ZNF616: variants seen among roughly 807,000 people sequenced by gnomAD.
ZNF616 encodes the protein zinc finger protein 616.
In ZNF616, 5 loss-of-function variants were observed where a neutral mutation model predicts 7.6. The observed-to-expected ratio is 0.66, with a 90% CI of 0.34 to 1.38. The LOEUF is 1.38. Among genes scored for constraint, ZNF616 ranks in the 40% most tolerant of loss-of-function variants. The probability of loss-of-function intolerance (pLI) is 0.04; values close to 1 mark genes in which losing one functional copy is unlikely to be tolerated. For missense variants in ZNF616, 913 were observed against 948.3 expected (o/e 0.96, Z 0.49); for synonymous variants, 319 against 317.2 (o/e 1.01, Z -0.06).
At chr19:52,124,703 G>A (rs2088891734) in intron 2 of ZNF616, among the ~76,000 whole-genome samples, 1 of 152,184 alleles carries the variant, frequency 6.6e-6, no homozygotes, top group African/African-American at 2.4e-5. Flanking sequence ...GAATATCCTA[G>A]TCTGTCTGTG....
In ZNF616 at chr19:52,116,507, G is replaced by C; in HGVS notation, c.657C>G (p.Gly219=). ...GTAGTGAGGCCCGATGAAAGGCTTT[G>C]CCACACTCATTGCATTTGTAAGGTT... is the stretch of plus-strand genomic sequence containing the variant. The part of the protein sequence containing the change: ...TEKPYKCNEC[G]KAFHRASLLT... The change falls in exon 4 of 4, where the codon GGC becomes GGG. Residue 219 remains glycine (G), a synonymous_variant. Coordinates refer to ENST00000600228, the MANE Select transcript of ZNF616 (RefSeq NM_178523.5). 1 of 1,614,066 alleles carries C rather than the reference G, an allele frequency of 6.2e-7. No individual in the cohort carries two copies. The highest frequency in any genetic ancestry group is 8.5e-7 in the Non-Finnish European group (1 of 1,180,000).
intron 2 of ZNF616, 151 bp downstream of exon 2, chr19:52,130,350 G>A: frequency 1.1e-6 from 1 of 882,562 alleles, no homozygotes; most frequent in Non-Finnish European, 1.9e-6. Flanking sequence ...AGGAACTGAG[G>A]AAAAGCATGG....
At chr19:52,134,263 T>C (rs751657566) in intron 1 of ZNF616, among the ~76,000 whole-genome samples, 2 of 152,232 alleles carry the variant, frequency 1.3e-5, no homozygotes, top group Admixed American at 6.5e-5. Context: ...TATCACGACA[T>C]CGTAACAAGG....
In ZNF616 at chr19:52,116,816, T is replaced by C. The variant is rs770237493; in HGVS notation, c.348A>G (p.Glu116=). The change falls in exon 4 of 4, where the codon GAA becomes GAG. Residue 116 remains glutamate, a synonymous_variant. Coordinates refer to ENST00000600228, the MANE Select transcript of ZNF616 (RefSeq NM_178523.5). ...TNDKEVPVPH[E]NNLTGKRDQH... ...GATCTCTTTTACCAGTAAGATTGTT[T>C]TCATGGGGCACTGGCACTTCTTTAT... 4.5e-5 allele frequency: 73 copies of C among 1,613,826 alleles called. No individual in the cohort carries two copies. Among genetic ancestry groups the C allele is most frequent in the Non-Finnish European group, 5.5e-5 (65 of 1,179,894 alleles).
chr19:52,120,988 C>T (rs922430201), intron 3 of ZNF616, among the ~76,000 whole-genome samples: 2 of 152,146 alleles, frequency 1.3e-5, no homozygotes, highest in South Asian at 2.1e-4. Flanking sequence ...AAAAACAGCA[C>T]GAAAGAATTT....
chr19:52,135,255 T>C (rs2088997632), intron 1 of ZNF616, among the ~76,000 whole-genome samples: 1 of 151,990 alleles, frequency 6.6e-6, no homozygotes, highest in South Asian at 2.1e-4. Flanking sequence ...CAACAACTCA[T>C]AAACTCCTGC....
chr19:52,118,754 A>G (rs1409044514), intron 3 of ZNF616, among the ~76,000 whole-genome samples: 2 of 152,228 alleles, frequency 1.3e-5, no homozygotes, highest in African/African-American at 4.8e-5. Flanking sequence ...TTTATTTAAC[A>G]AAGAAATCTG....
chr19:52,123,447 C>G (rs1261722278), intron 3 of ZNF616, among the ~76,000 whole-genome samples: 1 of 151,930 alleles, frequency 6.6e-6, no homozygotes, highest in Non-Finnish European at 1.5e-5. Flanking sequence ...CCCATGAGTT[C>G]AAGAGCAGCC....
intron 1 of ZNF616, among the ~76,000 whole-genome samples, chr19:52,134,932 G>A (rs1202790883): frequency 1.3e-5 from 2 of 152,122 alleles, no homozygotes; most frequent in Non-Finnish European, 2.9e-5. Context: ...TGGGGGGAAA[G>A]TAATCACCAC....
At chr19:52,126,052 C>CCGTT in intron 2 of ZNF616, among the ~76,000 whole-genome samples, 1 of 152,154 alleles carries the variant, frequency 6.6e-6, no homozygotes. Flanking sequence ...GAATGTCCTC[C>CCGTT]CTGAACAAAG....
chr19:52,135,509 T>C (rs34216052), intron 1 of ZNF616, among the ~76,000 whole-genome samples: 5,074 of 152,236 alleles, frequency 0.033, 135 homozygotes, highest in Admixed American at 0.044. Flanking sequence ...ATAACAAATG[T>C]AGCCCCCAAA....
intron 3 of ZNF616, among the ~76,000 whole-genome samples, chr19:52,121,496 C>T (rs1384108517): frequency 6.6e-6 from 1 of 152,002 alleles, no homozygotes; most frequent in African/African-American, 2.4e-5. Flanking sequence ...ATAGAACATG[C>T]CAAAACTTAT....
chr19:52,115,916 C>T lies in ZNF616; in HGVS notation c.1248G>A (p.Lys416=), dbSNP rs1410979978. 1 of 1,614,164 alleles carries T rather than the reference C, an allele frequency of 6.2e-7. No individual in the cohort carries two copies. The highest frequency in any genetic ancestry group is 8.5e-7 in the Non-Finnish European group (1 of 1,180,020). The change falls in exon 4 of 4, where the codon AAG becomes AAA. Residue 416 remains lysine (K), a synonymous_variant. Transcript: ENST00000600228. ...CAAGACTTGAACGTTTACTGAAGAC[C>T]TTGCCACATTCATTGCATTTGCAAG... ...EKPCKCNECG[K]VFSKRSSLAV...
At chr19:52,119,627 C>G (rs2088851629) in intron 3 of ZNF616, among the ~76,000 whole-genome samples, 1 of 152,026 alleles carries the variant, frequency 6.6e-6, no homozygotes, top group Non-Finnish European at 1.5e-5. Flanking sequence ...GCTTGCAGAG[C>G]TGTAGGTATA....
intron 3 of ZNF616, 49 bp from the exon 4 acceptor site, chr19:52,117,073 TAAAC>T (rs755131472): frequency 2.1e-6 from 3 of 1,459,986 alleles, no homozygotes; most frequent in Admixed American, 2.5e-5. Context: ...CTACTATTGA[TAAAC>T]AAACATTTTA....
intron 2 of ZNF616, among the ~76,000 whole-genome samples, chr19:52,125,372 C>G (rs534711933): frequency 6.6e-6 from 1 of 152,306 alleles, no homozygotes; most frequent in Admixed American, 6.5e-5. Context: ...GGCGTAGACA[C>G]AGGCTAAATA....
At chr19:52,132,306 G>A (rs143514064) in intron 1 of ZNF616, among the ~76,000 whole-genome samples, 1 of 152,182 alleles carries the variant, frequency 6.6e-6, no homozygotes, top group African/African-American at 2.4e-5. Flanking sequence ...AGGTGGAGAC[G>A]TCTCTTAGAC....
rs2088797170 is a variant in ZNF616 at position 52,114,555 on chromosome 19, AG to A, written c.*262del. 2.8e-6 allele frequency: 1 copy of A among 351,678 alleles called. No homozygotes were observed. The highest frequency in any genetic ancestry group is 4.2e-5 in the Admixed American group (1 of 23,536). The allele number at this position is 351,678 out of a possible 1,614,324, so 21.8% of individuals were successfully genotyped here. A position where few individuals can be genotyped will look rare whatever the true frequency, so the allele number is the denominator to read the frequency against. On this transcript the variant is annotated 3_prime_UTR_variant, in exon 4 of 4. Coordinates refer to ENST00000600228, the MANE Select transcript of ZNF616 (RefSeq NM_178523.5). ...GTCGGTATTTCACATGGTGAGAATGAGGGCAAGCGACAGGGAAGTGCTATGC... is the reference window on the plus strand; with the variant it reads ...GTCGGTATTTCACATGGTGAGAATGAGGCAAGCGACAGGGAAGTGCTATGC...
At chr19:52,119,264 C>G (rs980062137) in intron 3 of ZNF616, among the ~76,000 whole-genome samples, 3 of 151,746 alleles carry the variant, frequency 2.0e-5, no homozygotes, top group African/African-American at 7.3e-5. Context: ...GTAATCCCAG[C>G]TACGTGGGAG....
Sources: gnomAD v4.1 joint callset for allele counts (sites outside exome capture counted in the v4.1 genomes callset) on GRCh38, gnomAD v4.1.1 for gene constraint, MANE v1.5 for transcripts, NCBI Gene and HGNC (gene_info 2026-07-23, HGNC 2026-07-21) for gene names.